Variants in SYNJ2 observed in about 807,000 individuals in gnomAD.
SYNJ2 encodes the protein synaptojanin 2.
SYNJ2 carries 116 observed loss-of-function variants against 141.3 expected under a neutral mutation model. The ratio of observed to expected loss-of-function variants is 0.82; its 90% CI spans 0.71 to 0.96. The LOEUF is 0.96. SYNJ2 is among the 40% of genes least tolerant of loss of function. SYNJ2 has a pLI of 0.00. For synonymous variants in SYNJ2, 745 were observed against 777.7 expected (o/e 0.96, Z 0.70); for missense variants, 1,873 against 1,934.8 (o/e 0.97, Z 0.60).
chr6:158,022,016 G>A (rs981953210), intron 2 of SYNJ2, among the ~76,000 whole-genome samples: 3 of 152,254 alleles, frequency 2.0e-5, no homozygotes, highest in South Asian at 2.1e-4. Context: ...TGTGGCCGCC[G>A]CTGCCTACAC....
intron 1 of SYNJ2, among the ~76,000 whole-genome samples, chr6:158,007,308 G>A (rs1778109930): frequency 6.6e-6 from 1 of 152,182 alleles, no homozygotes; most frequent in Admixed American, 6.5e-5. Flanking sequence ...ACGCCTGGGG[G>A]ATCTTTCCAA....
At chr6:158,076,221 C>A (rs564179899) in intron 16 of SYNJ2, among the ~76,000 whole-genome samples, 1 of 152,094 alleles carries the variant, frequency 6.6e-6, no homozygotes, top group African/African-American at 2.4e-5. Flanking sequence ...TCACTCTGCG[C>A]TTCTATGTAC....
At position 158,064,790 on chromosome 6, in the gene SYNJ2, A is replaced by AC. The variant is rs759497904; in HGVS notation, c.1360-30dup. 1.6e-4 allele frequency: 262 copies of AC among 1,610,458 alleles called. No individual in the cohort carries two copies. The African/African-American group carries it at 2.8e-3, about 17-fold the overall frequency. ...AGGGGGCAGGGTGGGGGCCCCAGGG[A>AC]CCCCCCTCACGGCCTGCGGTCTGGG... On this transcript the variant is annotated intron_variant, in intron 10 of 26. Coordinates refer to ENST00000355585, the MANE Select transcript of SYNJ2 (RefSeq NM_003898.4).
At chr6:157,993,710 CTTTTTTTTTTTTTTTTTTT>C (rs34971762) in intron 1 of SYNJ2, among the ~76,000 whole-genome samples, 1 of 40,558 alleles carries the variant, frequency 2.5e-5, no homozygotes, top group Non-Finnish European at 4.3e-5. Context: ...TCTTGCATAG[CTTTTTTTTTTTTTTTTTTT>C]TTTTTTAAGT....
In SYNJ2 at chr6:158,095,981, C is replaced by T. The variant is rs1185415096; in HGVS notation, c.4108C>T (p.His1370Tyr). The change falls in exon 27 of 27, where the codon CAC becomes TAC. Residue 1370 changes from histidine to tyrosine, a missense_variant. His to Tyr is a moderately conservative substitution (Grantham distance 83). Coordinates refer to ENST00000355585, the MANE Select transcript of SYNJ2 (RefSeq NM_003898.4). Reference sequence around the variant, plus strand: ...CAATAGCAGTGACAGCCCCTCTGGGCACCCACCTGCCGCGGGCACCGTCTT... The same window carrying T: ...CAATAGCAGTGACAGCCCCTCTGGGTACCCACCTGCCGCGGGCACCGTCTT... ...TYNSSDSPSG[H>Y]PPAAGTVFPQ... 1 of 1,614,210 alleles carries T rather than the reference C, an allele frequency of 6.2e-7. No individual in the cohort carries two copies. The highest frequency in any genetic ancestry group is 8.5e-7 in the Non-Finnish European group (1 of 1,180,040).
chr6:158,009,497 G>A (rs990519034), intron 1 of SYNJ2, among the ~76,000 whole-genome samples: 5 of 152,240 alleles, frequency 3.3e-5, no homozygotes, highest in African/African-American at 7.2e-5. Context: ...AGAGCCGGCG[G>A]CTAAAAATCT....
chr6:158,002,262 G>C (rs1777892819), intron 1 of SYNJ2: 1 of 152,328 alleles, frequency 6.6e-6, no homozygotes, highest in African/African-American at 2.4e-5. Context: ...TGGCTTCCCT[G>C]CTCAGGCTCC....
intron 1 of SYNJ2, among the ~76,000 whole-genome samples, chr6:157,991,671 C>A: frequency 6.6e-6 from 1 of 152,256 alleles, no homozygotes; most frequent in South Asian, 2.1e-4. Flanking sequence ...ACTTCACACA[C>A]CTAAAGTTAT....
At position 158,029,024 on chromosome 6, in the gene SYNJ2, C is replaced by T. The variant is rs759307915; in HGVS notation, c.483C>T (p.Phe161=). The change falls in exon 3 of 27, where the codon TTC becomes TTT. Residue 161 remains phenylalanine, a splice_region_variant and synonymous_variant. Transcript: ENST00000355585. ...GCTCTGAATGGGGGAACTCCTTCTT[C>T]TGGTGAGGCCCTGGGTCCCCTGCAG... ...DDSSEWGNSF[F]WNQLLHVPLR... 2.2e-6 allele frequency: 3 copies of T among 1,335,392 alleles called. No homozygotes were observed. In the African/African-American group the frequency reaches 9.2e-5, roughly 41 times the overall value. 82.7% of individuals were successfully genotyped at this position (1,335,392 alleles called of 1,614,324 possible). A position where few individuals can be genotyped will look rare whatever the true frequency, so the allele number is the denominator to read the frequency against.
At chr6:158,020,403 C>CGTGTGACTCCACCT (rs1554234075) in intron 2 of SYNJ2, among the ~76,000 whole-genome samples, 1 of 146,916 alleles carries the variant, frequency 6.8e-6, no homozygotes, top group African/African-American at 2.5e-5. Context: ...TGACTTCAAC[C>CGTGTGACTCCACCT]GTGTGACCCC....
rs772625052 is a variant in SYNJ2 at position 158,089,952 on chromosome 6, G to T, written c.3565+5G>T. The T allele has an allele frequency of 5.0e-6, 8 of 1,607,298 alleles. No homozygotes were observed. The highest frequency in any genetic ancestry group is 2.2e-5 in the East Asian group (1 of 44,844). On this transcript the variant is annotated splice_donor_5th_base_variant and intron_variant, in intron 25 of 26. Coordinates refer to ENST00000355585, the MANE Select transcript of SYNJ2 (RefSeq NM_003898.4). The stretch of plus-strand genomic sequence containing the variant: ...GTCTCCTGGAAGCCAGAGGAGGTAG[G>T]TGCTTTCCTGGGGGCAGGGGAAAAA...
intron 1 of SYNJ2, among the ~76,000 whole-genome samples, chr6:158,012,364 C>T (rs778944640): frequency 2.0e-5 from 3 of 152,204 alleles, no homozygotes; most frequent in Non-Finnish European, 4.4e-5. Flanking sequence ...GTCCATCGCA[C>T]TCACAGGGTC....
chr6:158,015,068 C>T (rs765920884), intron 1 of SYNJ2, among the ~76,000 whole-genome samples: 8 of 152,196 alleles, frequency 5.3e-5, no homozygotes, highest in Admixed American at 6.5e-5. Flanking sequence ...TCAGCTAAAA[C>T]AAGGTTCACC....
At chr6:158,018,008 A>G (rs1259527265) in intron 2 of SYNJ2, among the ~76,000 whole-genome samples, 2 of 151,098 alleles carry the variant, frequency 1.3e-5, no homozygotes, top group East Asian at 4.0e-4. Context: ...ACCAGGGCAG[A>G]TGCCCGGGGG....
intron 4 of SYNJ2, among the ~76,000 whole-genome samples, chr6:158,036,410 A>G (rs988464192): frequency 6.6e-6 from 1 of 152,248 alleles, no homozygotes; most frequent in Non-Finnish European, 1.5e-5. Context: ...TGTGGTTTGT[A>G]TACAGCATGG....
intron 1 of SYNJ2, among the ~76,000 whole-genome samples, chr6:157,986,403 G>T (rs1239182628): frequency 6.6e-6 from 1 of 152,182 alleles, no homozygotes; most frequent in Non-Finnish European, 1.5e-5. Context: ...GCGCAATCTT[G>T]GCTCACTGCA....
chr6:158,032,141 G>A (rs1779400839), intron 3 of SYNJ2, among the ~76,000 whole-genome samples: 1 of 152,074 alleles, frequency 6.6e-6, no homozygotes, highest in South Asian at 2.1e-4. Flanking sequence ...TCCCTGTGGG[G>A]GTGCATGTGA....
intron 1 of SYNJ2, among the ~76,000 whole-genome samples, chr6:158,003,923 A>G (rs1039263817): frequency 1.3e-5 from 2 of 152,166 alleles, no homozygotes; most frequent in African/African-American, 4.8e-5. Context: ...CCCTTGGACC[A>G]CTGGAGCTGG....
chr6:157,982,023 TGCTGCTGGAG>T lies in SYNJ2; in HGVS notation c.65_74del (p.Leu22ArgfsTer43). On this transcript the variant is annotated frameshift_variant, in exon 1 of 27. Coordinates refer to ENST00000355585, the MANE Select transcript of SYNJ2 (RefSeq NM_003898.4). LOFTEE classifies it high-confidence loss of function. This position sits in a 1 kb window ranked among gnomAD's most constrained non-coding sequence, Gnocchi z 4.0. ...CTGGGGGCCGAGGGGGACTGTAGCG[TGCTGCTGGAG>T]GCGCGCGGCCGCGACGACTGCCTGC... 7.5e-7 allele frequency: 1 copy of T among 1,333,418 alleles called. No homozygotes were observed. The highest frequency in any genetic ancestry group is 3.7e-5 in the Admixed American group (1 of 26,762). 82.6% of individuals were successfully genotyped at this position (1,333,418 alleles called of 1,614,324 possible).
Sources: allele counts gnomAD v4.1 joint callset (sites outside exome capture counted in the v4.1 genomes callset), GRCh38; gene constraint gnomAD v4.1.1; non-coding constraint Gnocchi (gnomAD v3.1); transcripts MANE v1.5; gene names NCBI Gene and HGNC (gene_info 2026-07-23, HGNC 2026-07-21).